DSG1: variants seen among roughly 807,000 people sequenced by gnomAD.
The protein encoded by DSG1 is desmoglein-1.
In DSG1, 39 loss-of-function variants were observed where a neutral mutation model predicts 97.5. That is an observed-to-expected ratio of 0.40 (90% CI 0.31 to 0.52). The LOEUF is 0.52. Ranked by LOEUF, DSG1 falls within the 20% of genes least tolerant of loss-of-function variation. The pLI, the probability that DSG1 is intolerant of heterozygous loss-of-function variation, is 0.53. For synonymous variants in DSG1, 475 were observed against 443.4 expected, an observed-to-expected ratio of 1.07 and a Z score of -0.90; for missense variants, 1,311 against 1,295.4, an observed-to-expected ratio of 1.01 and a Z score of -0.18.
chr18:31,329,045 T>A (rs2071704311), intron 4 of DSG1, among the ~76,000 whole-genome samples: 1 of 152,120 alleles, frequency 6.6e-6, no homozygotes, highest in South Asian at 2.1e-4. Context: ...CTCCCATAAT[T>A]ATTTCTCACT....
chr18:31,347,455 A>G (rs1346568753), intron 14 of DSG1, among the ~76,000 whole-genome samples: 1 of 152,104 alleles, frequency 6.6e-6, no homozygotes. Context: ...CCAAAATGTA[A>G]GCTCTGTGAG....
chr18:31,336,908 A>C (rs549835287), intron 9 of DSG1, among the ~76,000 whole-genome samples: 1 of 152,176 alleles, frequency 6.6e-6, no homozygotes, highest in Non-Finnish European at 1.5e-5. Flanking sequence ...GCTGATTACC[A>C]CAGGCCGTGA....
At chr18:31,331,645 C>G in intron 5 of DSG1, 56 bp from the exon 6 acceptor site, 2 of 1,536,186 alleles carry the variant, frequency 1.3e-6, no homozygotes, top group Non-Finnish European at 1.8e-6. Flanking sequence ...GTGATATACT[C>G]TACTGTAACA....
chr18:31,324,959 C>G (rs2071676775), intron 1 of DSG1, among the ~76,000 whole-genome samples: 1 of 152,208 alleles, frequency 6.6e-6, no homozygotes, highest in African/African-American at 2.4e-5. Context: ...AAAATTTAGT[C>G]TACTCTTGTC....
At chr18:31,340,578 G>GAAAA (rs2071783026) in intron 11 of DSG1, among the ~76,000 whole-genome samples, 2 of 150,630 alleles carry the variant, frequency 1.3e-5, no homozygotes, top group Non-Finnish European at 3.0e-5. Flanking sequence ...GAAAAGAAAA[G>GAAAA]GCTACAGAGA....
chr18:31,348,856 T>G (rs1455046066), intron 14 of DSG1, among the ~76,000 whole-genome samples: 4 of 129,062 alleles, frequency 3.1e-5, no homozygotes, highest in Admixed American at 1.7e-4. Flanking sequence ...TTGTAGATTC[T>G]GGATATTAGC....
At chr18:31,320,322 C>T (rs62090169) in intron 1 of DSG1, among the ~76,000 whole-genome samples, 55,402 of 151,802 alleles carry the variant, frequency 0.36, 12,147 homozygotes, top group Non-Finnish European at 0.49. Flanking sequence ...TCTTTATATT[C>T]GTCTCTACTC....
At position 31,356,999 on chromosome 18, in the gene DSG1, A is replaced by G. The variant is rs1018095194; in HGVS notation, c.*1653A>G. 2.0e-5 allele frequency: 3 copies of G among 152,168 alleles called. No homozygotes were observed. The highest frequency in any genetic ancestry group is 4.4e-5 in the Non-Finnish European group (3 of 67,986). The allele number at this position is 152,168 out of a possible 1,614,324, so 9.4% of individuals were successfully genotyped here. On this transcript the variant is annotated 3_prime_UTR_variant, in exon 15 of 15. Coordinates refer to ENST00000257192, the MANE Select transcript of DSG1 (RefSeq NM_001942.4). Reference sequence around the variant, plus strand: ...TCACTAAAATGAAACTCTATATGACAAAATAAAATTAGAAAAAAATTTGCC... The same window carrying G: ...TCACTAAAATGAAACTCTATATGACGAAATAAAATTAGAAAAAAATTTGCC...
At chr18:31,331,984 T>A in intron 6 of DSG1, 117 bp downstream of exon 6, 1 of 962,514 alleles carries the variant, frequency 1.0e-6, no homozygotes, top group East Asian at 2.6e-5. Flanking sequence ...CTTGTATAAC[T>A]TTTTCACATA....
chr18:31,336,621 T>A lies in DSG1; in HGVS notation c.1265+8T>A. The A allele has an allele frequency of 6.2e-7, 1 of 1,613,966 alleles. No homozygotes were observed. ...ACCTTCAACGACTGTTAGGTAAGAA[T>A]GAGATTTTCAACTAATTTTCCTTAC... On this transcript the variant is annotated splice_region_variant and intron_variant, in intron 9 of 14. Transcript: ENST00000257192.
rs1483688121 is a variant in DSG1 at position 31,318,362 on chromosome 18, G to A, written c.48+14G>A. 6.2e-7 allele frequency: 1 copy of A among 1,609,016 alleles called. No individual in the cohort carries two copies. Among genetic ancestry groups the A allele is most frequent in the Non-Finnish European group, 8.5e-7 (1 of 1,175,374 alleles). ...TTCATTTTTCTGGTGAGTGGATTCT[G>A]GTAAAAGTCCTTCATAATCGTGCCC... is the stretch of plus-strand genomic sequence containing the variant. On this transcript the variant is annotated intron_variant, in intron 1 of 14. Coordinates refer to ENST00000257192, the MANE Select transcript of DSG1 (RefSeq NM_001942.4).
In DSG1 at chr18:31,358,427, A is replaced by G. The variant is rs148649974; in HGVS notation, c.*3081A>G. 4.7e-3 allele frequency among the ~76,000 whole-genome samples: 722 copies of G among 152,190 alleles called. 2 individuals carry two copies. The highest frequency in any genetic ancestry group is 8.4e-3 in the Admixed American group (128 of 15,294). On this transcript the variant is annotated 3_prime_UTR_variant, in exon 15 of 15. Transcript: ENST00000257192. ...GTTATTTATATATCTTCATCTAGACATCTGTTCTACATTTGTGTATAAAGT... is the reference window on the plus strand; with the variant it reads ...GTTATTTATATATCTTCATCTAGACGTCTGTTCTACATTTGTGTATAAAGT...
chr18:31,352,561 G>A (rs1217523514), intron 14 of DSG1, among the ~76,000 whole-genome samples: 3 of 150,180 alleles, frequency 2.0e-5, no homozygotes, highest in African/African-American at 5.1e-5. Flanking sequence ...ATCCTACAGA[G>A]TGTTTTCCAA....
At chr18:31,352,625 G>A (rs2144122968) in intron 14 of DSG1, among the ~76,000 whole-genome samples, 1 of 149,296 alleles carries the variant, frequency 6.7e-6, no homozygotes, top group African/African-American at 2.6e-5. Flanking sequence ...CGTAGATTTG[G>A]TCTTTTCACA....
chr18:31,327,324 C>T (rs2071691911), intron 3 of DSG1, among the ~76,000 whole-genome samples: 1 of 152,170 alleles, frequency 6.6e-6, no homozygotes, highest in African/African-American at 2.4e-5. Context: ...GGAATTACTT[C>T]AATGTGTGCT....
intron 14 of DSG1, among the ~76,000 whole-genome samples, chr18:31,351,751 G>T (rs2071898564): frequency 1.3e-5 from 2 of 151,262 alleles, no homozygotes; most frequent in South Asian, 4.2e-4. Flanking sequence ...TTTGATCTTT[G>T]TTGGTTTAAA....
Position 31,329,888 on chromosome 18 carries a change from C to T in DSG1, c.373-4C>T, listed in dbSNP as rs1262485475. The T allele has an allele frequency of 6.2e-7, 1 of 1,612,796 alleles. No individual in the cohort carries two copies. The highest frequency in any genetic ancestry group is 8.5e-7 in the Non-Finnish European group (1 of 1,179,090). ...TGTATAATTATTTATCTTTTCTCTC[C>T]CAGATCTACTGCCGAGCTCTGAACT... On this transcript the variant is annotated splice_region_variant and splice_polypyrimidine_tract_variant and intron_variant, in intron 4 of 14. Transcript: ENST00000257192.
intron 14 of DSG1, among the ~76,000 whole-genome samples, chr18:31,351,719 T>C (rs1426267418): frequency 6.7e-6 from 1 of 150,100 alleles, no homozygotes; most frequent in South Asian, 2.1e-4. Flanking sequence ...TTTACCATTA[T>C]GTAATGGCCT....
intron 14 of DSG1, among the ~76,000 whole-genome samples, chr18:31,352,731 T>C (rs1241891173): frequency 2.0e-5 from 3 of 149,752 alleles, no homozygotes; most frequent in African/African-American, 7.7e-5. Flanking sequence ...CATCTTCCAT[T>C]GCTGATACCC....
Sources: gnomAD v4.1 joint callset for allele counts (sites outside exome capture counted in the v4.1 genomes callset) on GRCh38, gnomAD v4.1.1 for gene constraint, MANE v1.5 for transcripts, NCBI Gene and HGNC (gene_info 2026-07-23, HGNC 2026-07-21) for gene names.